The following NLRC4 variants were observed in gnomAD, a reference collection of about 807,000 sequenced individuals.
NLRC4 encodes the protein NLR family CARD domain-containing protein 4.
In NLRC4, 63 loss-of-function variants were observed where a neutral mutation model predicts 79.9. The ratio of observed to expected loss-of-function variants is 0.79; its 90% CI spans 0.64 to 0.97. The LOEUF (loss-of-function observed/expected upper bound fraction) is 0.97. Among genes scored for constraint, NLRC4 ranks in the 50% least tolerant of loss-of-function variants. NLRC4 has a pLI of 0.00. For synonymous variants in NLRC4, 461 were observed against 456.5 expected (o/e 1.01, Z -0.12); for missense variants, 1,074 against 1,215.2 (o/e 0.88, Z 1.73).
chr2:32,245,397 GT>G (rs1349474876), intron 4 of NLRC4, among the ~76,000 whole-genome samples: 6 of 151,108 alleles, frequency 4.0e-5, no homozygotes, highest in Non-Finnish European at 1.5e-5. Flanking sequence ...GACATCACGT[GT>G]TCTTACTTAT....
intron 1 of NLRC4, among the ~76,000 whole-genome samples, chr2:32,261,491 T>TA (rs2148949130): frequency 6.7e-6 from 1 of 148,956 alleles, no homozygotes; most frequent in Non-Finnish European, 1.5e-5. Flanking sequence ...TTTGTATTTT[T>TA]AGTAGAGATG....
chr2:32,239,854 A>G (rs568547949), intron 5 of NLRC4, among the ~76,000 whole-genome samples: 3 of 152,312 alleles, frequency 2.0e-5, no homozygotes, highest in South Asian at 2.1e-4. Context: ...GATGCTCTCA[A>G]TCCCCTTCCA....
chr2:32,254,969 C>G (rs995172233), intron 2 of NLRC4, among the ~76,000 whole-genome samples: 9 of 151,878 alleles, frequency 5.9e-5, no homozygotes, highest in African/African-American at 2.2e-4. Flanking sequence ...ATGCACTCCT[C>G]TCAAAGACCC....
rs546044919 is a variant in NLRC4, at chr2:32,247,090, G to A, written c.2257+2517C>T. On this transcript the variant is annotated intron_variant, in intron 4 of 8. Coordinates refer to ENST00000402280, the MANE Select transcript of NLRC4 (RefSeq NM_001199138.2). ...AGTAAACAACAGTTAGGGTGGGAAC[G>A]GAGCTGAGTATCTTCTACAATTTCC... 4.6e-5 allele frequency among the ~76,000 whole-genome samples: 7 copies of A among 152,204 alleles called. No homozygotes were observed. The East Asian group carries it at 7.7e-4, about 17-fold the overall frequency.
rs1686924693 is a variant in NLRC4 at position 32,245,919 on chromosome 2, C to T, written c.2257+3688G>A. Reference sequence around the variant, plus strand: ...CAGGTTGGGGCCAGGTGTGGTGGCTCACACCTGTAATCCCAGCCCTTTGGG... The same window carrying T: ...CAGGTTGGGGCCAGGTGTGGTGGCTTACACCTGTAATCCCAGCCCTTTGGG... On this transcript the variant is annotated intron_variant, in intron 4 of 8. Transcript: ENST00000402280. Among the ~76,000 whole-genome samples the T allele has an allele frequency of 2.6e-5, 4 of 152,154 alleles. No individual in the cohort carries two copies. The South Asian group carries it at 8.3e-4, about 32-fold the overall frequency.
Position 32,247,907 on chromosome 2 carries a change from TCAGAAA to T in NLRC4, c.2257+1694_2257+1699del, listed in dbSNP as rs1233095725. Among the ~76,000 whole-genome samples the T allele has an allele frequency of 6.0e-3, 914 of 152,156 alleles. 11 individuals carry two copies. Among genetic ancestry groups the T allele is most frequent in the African/African-American group, 0.021 (855 of 41,534 alleles). ...AGGCCATTATCTTAGGTGAAATAACTCAGAAACAGAAAATCAAATACCATATATACT... is the reference window on the plus strand; with the variant it reads ...AGGCCATTATCTTAGGTGAAATAACTCAGAAAATCAAATACCATATATACT... On this transcript the variant is annotated intron_variant, in intron 4 of 8. Coordinates refer to ENST00000402280, the MANE Select transcript of NLRC4 (RefSeq NM_001199138.2).
At chr2:32,230,461 AGCCCCCGCTATTTTTTTTT>A (rs1376962618) in intron 8 of NLRC4, among the ~76,000 whole-genome samples, 2 of 147,640 alleles carry the variant, frequency 1.4e-5, no homozygotes, top group African/African-American at 5.0e-5. Context: ...CACTGGGCCC[AGCCCCCGCTATTTTTTTTT>A]TTTTTTTTTG....
chr2:32,244,544 CAAAA>C (rs373739695), intron 4 of NLRC4, among the ~76,000 whole-genome samples: 43 of 147,142 alleles, frequency 2.9e-4, no homozygotes, highest in Middle Eastern at 3.3e-3. Context: ...TGAAATAAGG[CAAAA>C]AAAAAAAATA....
At chr2:32,233,964 G>A (rs1036940798) in intron 8 of NLRC4, among the ~76,000 whole-genome samples, 2 of 152,168 alleles carry the variant, frequency 1.3e-5, no homozygotes, top group Admixed American at 1.3e-4. Flanking sequence ...AGGTTCTCCA[G>A]TGTTGGGGAC....
At chr2:32,227,236 G>C (rs1686425545) in intron 8 of NLRC4, among the ~76,000 whole-genome samples, 2 of 152,058 alleles carry the variant, frequency 1.3e-5, no homozygotes, top group African/African-American at 4.8e-5. Context: ...CACCTGCCTG[G>C]ACTGCTCATT....
At chr2:32,260,175 G>C (rs1311975928) in intron 1 of NLRC4, among the ~76,000 whole-genome samples, 1 of 121,880 alleles carries the variant, frequency 8.2e-6, no homozygotes, top group Non-Finnish European at 1.6e-5. Flanking sequence ...GTTGCAGTGA[G>C]CCAAGATCGT....
At chr2:32,260,213 CAAAAAAAAA>C (rs1197388989) in intron 1 of NLRC4, among the ~76,000 whole-genome samples, 1 of 75,078 alleles carries the variant, frequency 1.3e-5, no homozygotes, top group Non-Finnish European at 2.3e-5. Flanking sequence ...TGGGCAACGA[CAAAAAAAAA>C]AAAAAAAAAA....
rs548328192 is a variant in NLRC4 at position 32,253,715 on chromosome 2, A to G, written c.2-1036T>C. On this transcript the variant is annotated intron_variant, in intron 2 of 8. Coordinates refer to ENST00000402280, the MANE Select transcript of NLRC4 (RefSeq NM_001199138.2). ...TGCGGTGGCTCACACCTGTAACCCC[A>G]GCACTTTGGGAGGCCAAGGCGGGCG... 7.2e-5 allele frequency among the ~76,000 whole-genome samples: 11 copies of G among 152,078 alleles called. No individual in the cohort carries two copies. The East Asian group carries it at 2.2e-3, about 30-fold the overall frequency.
chr2:32,252,252 T>C (rs1309473840), intron 3 of NLRC4, among the ~76,000 whole-genome samples, 167 bp downstream of exon 3: 2 of 152,250 alleles, frequency 1.3e-5, no homozygotes, highest in Non-Finnish European at 2.9e-5. Context: ...ATTGATCTAC[T>C]ATGAGTTTTT....
intron 4 of NLRC4, among the ~76,000 whole-genome samples, chr2:32,245,148 A>T (rs1036910534): frequency 2.0e-5 from 3 of 151,620 alleles, no homozygotes; most frequent in African/African-American, 7.3e-5. Context: ...TGTCTCTATT[A>T]AAAAATACAA....
At position 32,224,627 on chromosome 2, in the gene NLRC4, G is replaced by A; in HGVS notation, c.2921C>T (p.Thr974Ile). The change falls in exon 9 of 9, where the codon ACT becomes ATT. Residue 974 changes from threonine (T) to isoleucine (I), a missense_variant. Physicochemically the swap from Thr to Ile is moderately conservative, Grantham distance 89 (BLOSUM62 -1). Coordinates refer to ENST00000402280, the MANE Select transcript of NLRC4 (RefSeq NM_001199138.2). Reference protein sequence around the residue: ...LKQLVFFDFSTKEFLPDPALV... With the variant: ...LKQLVFFDFSIKEFLPDPALV... ...TGCTGGATCAGGTAGAAATTCTTTAGTACTAAAGTCAAAAAACACTAATTG... is the reference window on the plus strand; with the variant it reads ...TGCTGGATCAGGTAGAAATTCTTTAATACTAAAGTCAAAAAACACTAATTG... 1 of 1,613,630 alleles carries A rather than the reference G, an allele frequency of 6.2e-7. No homozygotes were observed. Among genetic ancestry groups the A allele is most frequent in the Non-Finnish European group, 8.5e-7 (1 of 1,179,726 alleles).
chr2:32,226,534 C>T (rs1458499943), intron 8 of NLRC4, among the ~76,000 whole-genome samples: 2 of 152,234 alleles, frequency 1.3e-5, no homozygotes, highest in African/African-American at 4.8e-5. Context: ...TACCCATGGT[C>T]AGTGTCACTG....
intron 8 of NLRC4, among the ~76,000 whole-genome samples, chr2:32,230,962 C>A (rs191094416): frequency 1.1e-3 from 161 of 152,220 alleles, no homozygotes; most frequent in Non-Finnish European, 1.4e-3. Flanking sequence ...TAATAACCAT[C>A]CCTAGTGGGT....
chr2:32,261,109 C>T (rs1310237580), intron 1 of NLRC4, among the ~76,000 whole-genome samples: 2 of 150,682 alleles, frequency 1.3e-5, no homozygotes, highest in Non-Finnish European at 3.0e-5. Flanking sequence ...AGGAGAATGG[C>T]GTGAACCCGG....
Sources: gnomAD v4.1 joint callset for allele counts (sites outside exome capture counted in the v4.1 genomes callset) on GRCh38, gnomAD v4.1.1 for gene constraint, MANE v1.5 for transcripts, NCBI Gene and HGNC (gene_info 2026-07-23, HGNC 2026-07-21) for gene names.